Variants in TBX20 observed in about 807,000 individuals in gnomAD.
The protein encoded by TBX20 is T-box transcription factor TBX20.
TBX20 carries 8 observed loss-of-function variants against 42.9 expected under a neutral mutation model. The ratio of observed to expected loss-of-function variants is 0.19; its 90% CI spans 0.11 to 0.34. The LOEUF is 0.34. TBX20 is among the 10% of genes least tolerant of loss of function. The pLI is 1.00. For synonymous variants in TBX20, 198 were observed against 222.8 expected, an observed-to-expected ratio of 0.89 and a Z score of 0.99; for missense variants, 411 against 566.0, an observed-to-expected ratio of 0.73 and a Z score of 2.78.
intron 5 of TBX20, among the ~76,000 whole-genome samples, chr7:35,234,050 C>A (rs544609397): frequency 6.6e-6 from 1 of 152,270 alleles, no homozygotes; most frequent in South Asian, 2.1e-4. Context: ...TTAAATAGCA[C>A]ATTTATAAAA....
intron 1 of TBX20, among the ~76,000 whole-genome samples, chr7:35,251,826 T>C (rs767952196): frequency 6.6e-6 from 1 of 152,234 alleles, no homozygotes; most frequent in Non-Finnish European, 1.5e-5. Context: ...TAGGTGTTTC[T>C]CTTGATAGAG....
intron 6 of TBX20, among the ~76,000 whole-genome samples, chr7:35,224,831 T>C (rs1789743966): frequency 6.6e-6 from 1 of 152,060 alleles, no homozygotes; most frequent in Non-Finnish European, 1.5e-5. Context: ...ATAAAAATTA[T>C]TAATTTAGGT....
intron 7 of TBX20, 142 bp from the exon 8 acceptor site, chr7:35,202,912 CA>C: frequency 8.2e-6 from 12 of 1,466,034 alleles, no homozygotes; most frequent in Non-Finnish European, 1.1e-5. Context: ...TGAGATCTGT[CA>C]CGAGGCAAAT....
At chr7:35,232,754 G>A (rs1320201824) in intron 5 of TBX20, among the ~76,000 whole-genome samples, 3 of 152,228 alleles carry the variant, frequency 2.0e-5, no homozygotes, top group Non-Finnish European at 4.4e-5. Flanking sequence ...CCGGGTGCCT[G>A]TGGCTCACGC....
intron 6 of TBX20, among the ~76,000 whole-genome samples, chr7:35,212,652 C>CACTAT (rs1789517805): frequency 6.6e-6 from 1 of 152,164 alleles, no homozygotes; most frequent in Non-Finnish European, 1.5e-5. Context: ...AGGGCTAATT[C>CACTAT]TTCCTCACTA....
In TBX20 at chr7:35,209,720, T is replaced by C. The variant is rs368221757; in HGVS notation, c.891-5138A>G. Among the ~76,000 whole-genome samples the C allele has an allele frequency of 1.1e-4, 17 of 152,374 alleles. No individual in the cohort carries two copies. The South Asian group carries it at 3.5e-3, about 32-fold the overall frequency. ...TTGCTTTGGGTCTCATTCACTATTG[T>C]CCTAGTTTCTTGAGATGGAAGATGA... is the stretch of plus-strand genomic sequence containing the variant. On this transcript the variant is annotated intron_variant, in intron 6 of 7. Coordinates refer to ENST00000408931, the MANE Select transcript of TBX20 (RefSeq NM_001077653.2).
Position 35,226,646 on chromosome 7 carries a change from A to G in TBX20, c.890+4858T>C, listed in dbSNP as rs530521678. Reference sequence around the variant, plus strand: ...TGTTTCAGCCCACAACGTTTCACATATATGAAAGTGGTCCCCTAACATCAG... The same window carrying G: ...TGTTTCAGCCCACAACGTTTCACATGTATGAAAGTGGTCCCCTAACATCAG... On this transcript the variant is annotated intron_variant, in intron 6 of 7. Transcript: ENST00000408931. Among the ~76,000 whole-genome samples, 5 of 152,296 alleles carry G rather than the reference A, an allele frequency of 3.3e-5. No homozygotes were observed. In the South Asian group the frequency reaches 1.0e-3, roughly 32 times the overall value.
At chr7:35,248,940 G>T in intron 2 of TBX20, 99 bp from the exon 3 acceptor site, 1 of 1,424,002 alleles carries the variant, frequency 7.0e-7, no homozygotes, top group Non-Finnish European at 9.8e-7. Flanking sequence ...GGAGGGAAAG[G>T]GTCTGACTCC....
chr7:35,222,434 CAT>C (rs2128712233), intron 6 of TBX20, among the ~76,000 whole-genome samples: 1 of 152,218 alleles, frequency 6.6e-6, no homozygotes, highest in East Asian at 1.9e-4. Context: ...CACCACCAAA[CAT>C]ATCAGTTATC....
intron 7 of TBX20, 93 bp from the exon 8 acceptor site, chr7:35,202,863 A>G: frequency 1.3e-6 from 2 of 1,537,400 alleles, no homozygotes; most frequent in Non-Finnish European, 1.8e-6. Flanking sequence ...GTGTTTAAGA[A>G]TATTTAATAC....
At chr7:35,248,225 G>A (rs146169678) in intron 3 of TBX20, among the ~76,000 whole-genome samples, 5 of 152,212 alleles carry the variant, frequency 3.3e-5, no homozygotes, top group African/African-American at 1.2e-4. Flanking sequence ...ATTATATGCA[G>A]TTATAACCAT....
At position 35,237,465 on chromosome 7, in the gene TBX20, T is replaced by C. The variant is rs147540083; in HGVS notation, c.813+3414A>G. ...GGGATTACAAAAATAGTGTTCTCAT[T>C]GTCAGAATATGCTTAAAGAGTGTTT... is the stretch of plus-strand genomic sequence containing the variant. On this transcript the variant is annotated intron_variant, in intron 5 of 7. Transcript: ENST00000408931. 3.9e-3 allele frequency among the ~76,000 whole-genome samples: 597 copies of C among 152,072 alleles called. 3 individuals are homozygous for C. Among genetic ancestry groups the C allele is most frequent in the African/African-American group, 0.014 (562 of 41,496 alleles).
chr7:35,232,006 T>G (rs1212270772), intron 5 of TBX20, among the ~76,000 whole-genome samples: 2 of 152,308 alleles, frequency 1.3e-5, no homozygotes, highest in Middle Eastern at 3.4e-3. Flanking sequence ...CTTGGTGACA[T>G]CTTTTTTAGT....
chr7:35,208,530 G>A (rs1789437947), intron 6 of TBX20, among the ~76,000 whole-genome samples: 1 of 151,998 alleles, frequency 6.6e-6, no homozygotes, highest in Admixed American at 6.5e-5. Flanking sequence ...ATCACCTGAG[G>A]TCGGGAGTTC....
In TBX20 at chr7:35,253,910, C is replaced by A; in HGVS notation, c.-290G>T. 2.4e-6 allele frequency: 1 copy of A among 416,936 alleles called. No individual in the cohort carries two copies. The highest frequency in any genetic ancestry group is 4.6e-5 in the East Asian group (1 of 21,916). 25.8% of individuals were successfully genotyped at this position (416,936 alleles called of 1,614,324 possible). A position where few individuals can be genotyped will look rare whatever the true frequency, so the allele number is the denominator to read the frequency against. On this transcript the variant is annotated 5_prime_UTR_variant, in exon 1 of 8. Coordinates refer to ENST00000408931, the MANE Select transcript of TBX20 (RefSeq NM_001077653.2). Reference sequence around the variant, plus strand: ...CCGGGGCGCTCGGCAGGACGACAGTCTGCACAGCCCGAAGGCGGAAACGAG... The same window carrying A: ...CCGGGGCGCTCGGCAGGACGACAGTATGCACAGCCCGAAGGCGGAAACGAG...
Position 35,253,484 on chromosome 7 carries a change from C to G in TBX20, c.127+10G>C. On this transcript the variant is annotated intron_variant, in intron 1 of 7. Coordinates refer to ENST00000408931, the MANE Select transcript of TBX20 (RefSeq NM_001077653.2). ...CAGTCCTCGGCGGACAGCCGGGTAG[C>G]CCAACTTACCCAGGGGTTTGATTGT... 1 of 1,608,000 alleles carries G rather than the reference C, an allele frequency of 6.2e-7. No individual in the cohort carries two copies. Among genetic ancestry groups the G allele is most frequent in the Non-Finnish European group, 8.5e-7 (1 of 1,177,704 alleles).
At chr7:35,206,525 C>G (rs1789403559) in intron 6 of TBX20, among the ~76,000 whole-genome samples, 1 of 152,126 alleles carries the variant, frequency 6.6e-6, no homozygotes, top group South Asian at 2.1e-4. Flanking sequence ...CCAGCCTAGA[C>G]AAAAGAGTGA....
At chr7:35,232,985 A>G (rs1471080901) in intron 5 of TBX20, among the ~76,000 whole-genome samples, 4 of 152,214 alleles carry the variant, frequency 2.6e-5, no homozygotes, top group Non-Finnish European at 4.4e-5. Flanking sequence ...GCGCCACTGC[A>G]CTCCAGCCTG....
Position 35,249,922 on chromosome 7 carries a change from C to A in TBX20, c.380+29G>T, listed in dbSNP as rs762249043. The stretch of plus-strand genomic sequence containing the variant: ...CAGGGAGTGTCCTGACTCTCCACCC[C>A]CAACCCCCAACCCCCAAGTCCCAAC... On this transcript the variant is annotated intron_variant, in intron 2 of 7. Coordinates refer to ENST00000408931, the MANE Select transcript of TBX20 (RefSeq NM_001077653.2). The surrounding 1 kb of genome is among the most constrained non-coding windows in gnomAD (Gnocchi z 4.3). The A allele has an allele frequency of 1.9e-6, 3 of 1,584,132 alleles. No individual in the cohort carries two copies. The highest frequency in any genetic ancestry group is 2.6e-6 in the Non-Finnish European group (3 of 1,163,490).
Sources: gnomAD v4.1 joint callset for allele counts (sites outside exome capture counted in the v4.1 genomes callset) on GRCh38, gnomAD v4.1.1 for gene constraint, Gnocchi (gnomAD v3.1) non-coding constraint, MANE v1.5 for transcripts, NCBI Gene and HGNC (gene_info 2026-07-23, HGNC 2026-07-21) for gene names.